MGLL: variants seen among roughly 807,000 people sequenced by gnomAD.
MGLL encodes monoglyceride lipase.
MGLL carries 7 observed loss-of-function variants against 29.1 expected under a neutral mutation model. That is an observed-to-expected ratio of 0.24 (90% CI 0.14 to 0.45). MGLL has a LOEUF of 0.45. Ranked by LOEUF, MGLL falls within the 20% of genes least tolerant of loss-of-function variation. The pLI is 0.99. For missense variants in MGLL, 356 were observed against 413.6 expected (o/e 0.86, Z 1.21); for synonymous variants, 148 against 168.3 (o/e 0.88, Z 0.93).
chr3:127,718,010 A>T (rs2075848269), intron 5 of MGLL, among the ~76,000 whole-genome samples: 1 of 152,162 alleles, frequency 6.6e-6, no homozygotes, highest in Non-Finnish European at 1.5e-5. Context: ...CTCAGCAGAG[A>T]CAATGTTTGG....
intron 2 of MGLL, among the ~76,000 whole-genome samples, chr3:127,790,398 T>C (rs2077280164): frequency 6.6e-6 from 1 of 152,204 alleles, no homozygotes; most frequent in Non-Finnish European, 1.5e-5. Context: ...GTTAAGAATT[T>C]AGCTAAAAAT....
At chr3:127,738,080 G>A (rs1405391773) in intron 3 of MGLL, among the ~76,000 whole-genome samples, 1 of 151,988 alleles carries the variant, frequency 6.6e-6, no homozygotes, top group Non-Finnish European at 1.5e-5. Flanking sequence ...GTGGGCAGAT[G>A]GCTTAAACCA....
At chr3:127,759,039 C>CCA in intron 3 of MGLL, among the ~76,000 whole-genome samples, 1 of 151,380 alleles carries the variant, frequency 6.6e-6, no homozygotes, top group Admixed American at 6.6e-5. Context: ...TCTCCTGCCT[C>CCA]AGCGTCCTGA....
chr3:127,759,132 C>T (rs1232787517), intron 3 of MGLL, among the ~76,000 whole-genome samples: 1 of 152,204 alleles, frequency 6.6e-6, no homozygotes, highest in African/African-American at 2.4e-5. Flanking sequence ...GCCATGTTGG[C>T]CAGGCTGGTC....
chr3:127,698,215 G>A lies in MGLL; in HGVS notation c.601-3025C>T, dbSNP rs1227263175. 2.0e-5 allele frequency among the ~76,000 whole-genome samples: 3 copies of A among 152,312 alleles called. No homozygotes were observed. In the East Asian group the frequency reaches 5.8e-4, roughly 29 times the overall value. On this transcript the variant is annotated intron_variant, in intron 6 of 7. Coordinates refer to ENST00000265052, the MANE Select transcript of MGLL (RefSeq NM_007283.7). Reference sequence around the variant, plus strand: ...AACCACAGCCTGGACCGGAGGTGAGGGGCAGAGGGAAACTGGGACCAGGAG... The same window carrying A: ...AACCACAGCCTGGACCGGAGGTGAGAGGCAGAGGGAAACTGGGACCAGGAG...
chr3:127,709,568 C>T (rs1240803297), intron 6 of MGLL, among the ~76,000 whole-genome samples: 1 of 152,170 alleles, frequency 6.6e-6, no homozygotes, highest in Admixed American at 6.5e-5. Flanking sequence ...CCAAGGAAGT[C>T]TGGGAACATC....
intron 2 of MGLL, among the ~76,000 whole-genome samples, chr3:127,816,572 C>A (rs902143084): frequency 6.6e-6 from 1 of 152,150 alleles, no homozygotes; most frequent in Non-Finnish European, 1.5e-5. Flanking sequence ...GAGGATATTA[C>A]GAGGACGCAA....
rs935935336 is a variant in MGLL at position 127,710,714 on chromosome 3, C to T, written c.511-49G>A. The stretch of plus-strand genomic sequence containing the variant: ...GCTGTGAGCACAAGTGGCATCCACA[C>T]CCGGCTCTTCCGCAGTGACAGTTTA... On this transcript the variant is annotated intron_variant, in intron 5 of 7. Transcript: ENST00000265052. The T allele has an allele frequency of 5.6e-6, 8 of 1,440,080 alleles. No individual in the cohort carries two copies. In the Admixed American group the frequency reaches 1.4e-4, roughly 25 times the overall value. 89.2% of individuals were successfully genotyped at this position (1,440,080 alleles called of 1,614,324 possible). A position where few individuals can be genotyped will look rare whatever the true frequency, so the allele number is the denominator to read the frequency against.
At chr3:127,754,913 G>T (rs911328428) in intron 3 of MGLL, among the ~76,000 whole-genome samples, 1 of 152,178 alleles carries the variant, frequency 6.6e-6, no homozygotes, top group African/African-American at 2.4e-5. Context: ...AGAGGGAAGC[G>T]TTCCCTAGGT....
rs73861709 is a variant in MGLL, at chr3:127,754,887, G to A, written c.262+26902C>T. ...TCTAGGTGTGTGCACTCATGCCCACGTGTCCCAGGCTCTTTAGAGGGAAGC... is the reference window on the plus strand; with the variant it reads ...TCTAGGTGTGTGCACTCATGCCCACATGTCCCAGGCTCTTTAGAGGGAAGC... On this transcript the variant is annotated intron_variant, in intron 3 of 7. Coordinates refer to ENST00000265052, the MANE Select transcript of MGLL (RefSeq NM_007283.7). Among the ~76,000 whole-genome samples the A allele has an allele frequency of 6.9e-4, 105 of 152,314 alleles. 1 individual carries two copies. The highest frequency in any genetic ancestry group is 2.4e-3 in the African/African-American group (101 of 41,562).
chr3:127,720,305 G>A (rs575595026), intron 5 of MGLL, among the ~76,000 whole-genome samples: 7 of 152,314 alleles, frequency 4.6e-5, no homozygotes, highest in African/African-American at 1.7e-4. Flanking sequence ...ACGTGGGGTT[G>A]GGATTCTCCA....
intron 3 of MGLL, among the ~76,000 whole-genome samples, chr3:127,723,173 T>C (rs2075965354): frequency 6.6e-6 from 1 of 152,242 alleles, no homozygotes; most frequent in Non-Finnish European, 1.5e-5. Context: ...CACATATCTG[T>C]GCTGTTCACC....
intron 6 of MGLL, among the ~76,000 whole-genome samples, chr3:127,699,503 C>G (rs538592925): frequency 1.3e-5 from 2 of 152,266 alleles, no homozygotes; most frequent in South Asian, 2.1e-4. Flanking sequence ...TCACAGGAAC[C>G]CTGTGATGTA....
chr3:127,809,827 G>A (rs2077630535), intron 2 of MGLL, among the ~76,000 whole-genome samples: 3 of 152,100 alleles, frequency 2.0e-5, no homozygotes, highest in African/African-American at 4.8e-5. Context: ...AGACTAGATG[G>A]TCTTGGACAA....
intron 3 of MGLL, among the ~76,000 whole-genome samples, chr3:127,740,346 CT>C (rs1559936515): frequency 6.6e-6 from 1 of 152,222 alleles, no homozygotes; most frequent in Non-Finnish European, 1.5e-5. Flanking sequence ...CCCCCACCCC[CT>C]GGCAACCACC....
At chr3:127,786,933 C>T (rs530570182) in intron 2 of MGLL, among the ~76,000 whole-genome samples, 5 of 152,296 alleles carry the variant, frequency 3.3e-5, no homozygotes, top group Admixed American at 1.3e-4. Flanking sequence ...AAAGCTCTGG[C>T]CCTCCCACAA....
chr3:127,721,196 C>A, intron 4 of MGLL, 33 bp from the exon 5 acceptor site: 2 of 1,575,210 alleles, frequency 1.3e-6, no homozygotes, highest in Non-Finnish European at 8.7e-7. Context: ...CTGCTGTGTT[C>A]GGCTTGCACC....
chr3:127,720,967 T>A (rs2075907209), intron 5 of MGLL, 86 bp downstream of exon 5: 1 of 1,189,288 alleles, frequency 8.4e-7, no homozygotes, highest in African/African-American at 1.5e-5. Context: ...TGGCCTTTGG[T>A]CTTTTTACAT....
At chr3:127,793,647 C>T (rs575369142) in intron 2 of MGLL, among the ~76,000 whole-genome samples, 2 of 152,284 alleles carry the variant, frequency 1.3e-5, no homozygotes, top group South Asian at 4.1e-4. Context: ...CTGCAACCTC[C>T]GCCTCCCGGG....
Sources: allele counts gnomAD v4.1 joint callset (sites outside exome capture counted in the v4.1 genomes callset), GRCh38; gene constraint gnomAD v4.1.1; transcripts MANE v1.5; gene names NCBI Gene and HGNC (gene_info 2026-07-23, HGNC 2026-07-21).